MCM5: variants seen among roughly 807,000 people sequenced by gnomAD.
MCM5 encodes the protein minichromosome maintenance complex component 5.
A neutral mutation model predicts 79.9 loss-of-function variants in MCM5; 46 were observed. That is an observed-to-expected ratio of 0.58 (90% CI 0.45 to 0.74). The LOEUF is 0.74. Ranked by LOEUF, MCM5 falls within the 30% of genes least tolerant of loss-of-function variation. MCM5 has a pLI of 0.00. For synonymous variants in MCM5, 404 were observed against 390.5 expected, an observed-to-expected ratio of 1.03 and a Z score of -0.41; for missense variants, 883 against 1,017.0, an observed-to-expected ratio of 0.87 and a Z score of 1.79.
chr22:35,454,965 C>T, the MCM5 span, among the ~76,000 whole-genome samples: 21 of 151,724 alleles, frequency 1.4e-4, no homozygotes, highest in African/African-American at 4.6e-4. Context: ...TGGCCCTGGT[C>T]GAGAACTACT....
rs967903902 is a variant in MCM5, at chr22:35,424,140, A to T, written c.2104-14A>T. 1 of 1,535,978 alleles carries T rather than the reference A, an allele frequency of 6.5e-7. No individual in the cohort carries two copies. Among genetic ancestry groups the T allele is most frequent in the Non-Finnish European group, 8.8e-7 (1 of 1,134,098 alleles). On this transcript the variant is annotated splice_polypyrimidine_tract_variant and intron_variant, in intron 16 of 16. Coordinates refer to ENST00000216122, the MANE Select transcript of MCM5 (RefSeq NM_006739.4). ...GGGCAGCACGTGCCGTTAGCCAGCC[A>T]TGTGCTCCCACAGAAATACCCGGAG...
chr22:35,406,661 A>T lies in MCM5; in HGVS notation c.532A>T (p.Thr178Ser), dbSNP rs376124769. 8.7e-5 allele frequency: 140 copies of T among 1,611,978 alleles called. 2 individuals are homozygous for T. In the South Asian group the frequency reaches 1.5e-3, roughly 17 times the overall value. Residue 178 changes from threonine to serine, a missense_variant, in exon 5 of 17, where the codon ACC becomes TCC. By Grantham distance (58) the Thr-to-Ser change is moderately conservative. Coordinates refer to ENST00000216122, the MANE Select transcript of MCM5 (RefSeq NM_006739.4). ...TATCCAGTGCCGCAGCTGCCGCAAC[A>T]CCCTCACCAACATTGCCATGCGCCC... is the stretch of plus-strand genomic sequence containing the variant. ...ISIQCRSCRN[T>S]LTNIAMRPGL...
chr22:35,450,496 C>T, the MCM5 span, among the ~76,000 whole-genome samples: 2 of 152,162 alleles, frequency 1.3e-5, no homozygotes, highest in African/African-American at 4.8e-5. Context: ...GGTGAGGACT[C>T]GCCCAGACTC....
At chr22:35,428,387 C>T (rs1932791364), downstream of MCM5, among the ~76,000 whole-genome samples, 2 of 151,804 alleles carry the variant, frequency 1.3e-5, no homozygotes, top group African/African-American at 4.8e-5. Context: ...TCTGGAACTC[C>T]TGGGCTCAAT....
At chr22:35,417,465 A>G (rs1932575452) in intron 12 of MCM5, among the ~76,000 whole-genome samples, 1 of 151,024 alleles carries the variant, frequency 6.6e-6, no homozygotes, top group Non-Finnish European at 1.5e-5. Context: ...GACAAGATAC[A>G]TGCCCCAAGT....
chr22:35,400,733 T>A (rs758687877), intron 2 of MCM5, 128 bp downstream of exon 2: 3 of 979,742 alleles, frequency 3.1e-6, no homozygotes, highest in Non-Finnish European at 4.4e-6. Context: ...CGGTCCTGGG[T>A]CACAGGGCTC....
At chr22:35,401,005 A>G (rs1395795033) in intron 2 of MCM5, among the ~76,000 whole-genome samples, 1 of 152,040 alleles carries the variant, frequency 6.6e-6, no homozygotes, top group Non-Finnish European at 1.5e-5. Flanking sequence ...ATTTTAGTAG[A>G]GATGGGGTTT....
At position 35,421,440 on chromosome 22, in the gene MCM5, C is replaced by T. The variant is rs1345508653; in HGVS notation, c.1955C>T (p.Ala652Val). Residue 652 changes from alanine to valine, a missense_variant, in exon 15 of 17, where the codon GCC (alanine) becomes GTC (valine). By Grantham distance (64) the Ala-to-Val change is moderately conservative. Transcript: ENST00000216122. Reference protein sequence around the residue: ...RLFQVSTLDAALSGTLSGVEG... With the variant: ...RLFQVSTLDAVLSGTLSGVEG... ...TTCCAAGTGTCCACGTTGGATGCTG[C>T]CTTGTCCGGTACCCTGTCAGGTGAG... 6.2e-7 allele frequency: 1 copy of T among 1,614,160 alleles called. No homozygotes were observed. The highest frequency in any genetic ancestry group is 2.2e-5 in the East Asian group (1 of 44,876).
At chr22:35,421,820 C>G (rs1282154034) in intron 15 of MCM5, 1 of 348,046 alleles carries the variant, frequency 2.9e-6, no homozygotes, top group Admixed American at 3.9e-5. Flanking sequence ...CTTACAGCTG[C>G]CCCCTGGAAG....
chr22:35,421,257 T>C (rs1476306053), intron 14 of MCM5, 61 bp from the exon 15 acceptor site: 9 of 1,557,340 alleles, frequency 5.8e-6, no homozygotes, highest in Non-Finnish European at 6.1e-6. Context: ...GGTAACGGGC[T>C]GGCTGGGGAG....
chr22:35,443,000 C>T, the MCM5 span, among the ~76,000 whole-genome samples: 1 of 152,200 alleles, frequency 6.6e-6, no homozygotes, highest in Non-Finnish European at 1.5e-5. Context: ...GGTCCCCCTT[C>T]ACAGCTCTGG....
chr22:35,418,862 GAAGTTA>G (rs907882457), intron 13 of MCM5, among the ~76,000 whole-genome samples: 10 of 152,176 alleles, frequency 6.6e-5, no homozygotes, highest in African/African-American at 2.4e-4. Flanking sequence ...TGAGGCAAAG[GAAGTTA>G]AGTAACTTGC....
At chr22:35,443,218 G>C in the MCM5 span, among the ~76,000 whole-genome samples, 7 of 152,078 alleles carry the variant, frequency 4.6e-5, no homozygotes, top group Non-Finnish European at 1.0e-4. Flanking sequence ...ATGGAATCTC[G>C]ATCTGTCACC....
At chr22:35,430,044 G>A (rs1171332059), downstream of MCM5, among the ~76,000 whole-genome samples, 2 of 152,198 alleles carry the variant, frequency 1.3e-5, no homozygotes, top group Non-Finnish European at 2.9e-5. Context: ...AGGCACACCC[G>A]TTGGTCACCC....
chr22:35,421,473 A>C lies in MCM5; in HGVS notation c.1975+13A>C. 1 of 1,613,936 alleles carries C rather than the reference A, an allele frequency of 6.2e-7. No homozygotes were observed. Among genetic ancestry groups the C allele is most frequent in the Non-Finnish European group, 8.5e-7 (1 of 1,180,012 alleles). Reference sequence around the variant, plus strand: ...GGTACCCTGTCAGGTGAGCAGATGCAGGGGCCATGGTCTCAATTGATCTGG... The same window carrying C: ...GGTACCCTGTCAGGTGAGCAGATGCCGGGGCCATGGTCTCAATTGATCTGG... On this transcript the variant is annotated intron_variant, in intron 15 of 16. Transcript: ENST00000216122.
chr22:35,407,247 T>G (rs542651996), intron 5 of MCM5, among the ~76,000 whole-genome samples: 48 of 152,246 alleles, frequency 3.2e-4, no homozygotes, highest in South Asian at 8.3e-4. Context: ...CTGGCTGCTC[T>G]TTCTTGGCTC....
downstream of MCM5, among the ~76,000 whole-genome samples, chr22:35,429,561 G>A (rs1932799508): frequency 2.0e-5 from 3 of 151,374 alleles, no homozygotes; most frequent in Non-Finnish European, 2.9e-5. Flanking sequence ...TTAAGATGGA[G>A]TCTTGCTCTG....
the MCM5 span, among the ~76,000 whole-genome samples, chr22:35,431,611 CTTAGAA>C: frequency 5.9e-5 from 9 of 152,244 alleles, no homozygotes; most frequent in South Asian, 8.3e-4. Context: ...CTCATCAAAT[CTTAGAA>C]TTAGATGGGA....
intron 8 of MCM5, among the ~76,000 whole-genome samples, 182 bp from the exon 9 acceptor site, chr22:35,413,693 G>A (rs1054873975): frequency 2.6e-5 from 4 of 152,156 alleles, no homozygotes; most frequent in Non-Finnish European, 5.9e-5. Context: ...ACCTACCATG[G>A]TTTGGGAACT....
Sources: allele counts gnomAD v4.1 joint callset (sites outside exome capture counted in the v4.1 genomes callset), GRCh38; gene constraint gnomAD v4.1.1; transcripts MANE v1.5; gene names NCBI Gene and HGNC (gene_info 2026-07-23, HGNC 2026-07-21).